Variants in DLGAP1 observed in about 807,000 individuals in gnomAD.
The protein encoded by DLGAP1 is disks large-associated protein 1.
A neutral mutation model predicts 90.8 loss-of-function variants in DLGAP1; 11 were observed. The ratio of observed to expected loss-of-function variants is 0.12; its 90% CI spans 0.08 to 0.20. The LOEUF (loss-of-function observed/expected upper bound fraction) is 0.20. Ranked by LOEUF, DLGAP1 falls within the 10% of genes least tolerant of loss-of-function variation. DLGAP1 has a pLI of 1.00. For synonymous variants in DLGAP1, 558 were observed against 540.7 expected, an observed-to-expected ratio of 1.03 and a Z score of -0.44; for missense variants, 1,050 against 1,333.8, an observed-to-expected ratio of 0.79 and a Z score of 3.31.
chr18:3,580,744 A>G (rs475528), intron 8 of DLGAP1: 221,725 of 1,612,296 alleles, frequency 0.14, 15,870 homozygotes, highest in East Asian at 0.19. Context: ...GCCACGCACC[A>G]TCCCCTCAGG....
At chr18:4,233,730 A>C (rs953683780) in intron 1 of DLGAP1, among the ~76,000 whole-genome samples, 1 of 152,166 alleles carries the variant, frequency 6.6e-6, no homozygotes, top group Non-Finnish European at 1.5e-5. Context: ...CCCCTCAGAG[A>C]TCAATTAGTT....
chr18:3,932,534 C>T (rs985483425), intron 3 of DLGAP1, among the ~76,000 whole-genome samples: 5 of 152,198 alleles, frequency 3.3e-5, no homozygotes, highest in African/African-American at 1.2e-4. Context: ...CCAAATCTAC[C>T]TCCTGTGCTT....
chr18:3,654,952 C>T (rs1229461444), intron 7 of DLGAP1: 1 of 152,210 alleles, frequency 6.6e-6, no homozygotes, highest in Non-Finnish European at 1.5e-5. Flanking sequence ...TGTAATGGTA[C>T]TAAATCCGCC....
At chr18:4,244,495 T>C (rs899980334) in intron 1 of DLGAP1, among the ~76,000 whole-genome samples, 2 of 152,146 alleles carry the variant, frequency 1.3e-5, no homozygotes, top group Non-Finnish European at 2.9e-5. Context: ...CGGTATATCT[T>C]TTGGAGTAAA....
intron 2 of DLGAP1, among the ~76,000 whole-genome samples, chr18:4,037,716 T>C (rs1354745897): frequency 1.3e-5 from 2 of 152,160 alleles, no homozygotes; most frequent in Non-Finnish European, 2.9e-5. Context: ...TACTAGCACT[T>C]TGGAAGGCCA....
chr18:3,783,118 C>T (rs975414746), intron 5 of DLGAP1, among the ~76,000 whole-genome samples: 1 of 152,176 alleles, frequency 6.6e-6, no homozygotes, highest in African/African-American at 2.4e-5. Context: ...TTCACACCTT[C>T]TAAGACAACT....
chr18:3,937,608 A>G (rs2072671401), intron 3 of DLGAP1, among the ~76,000 whole-genome samples: 2 of 152,152 alleles, frequency 1.3e-5, no homozygotes, highest in African/African-American at 2.4e-5. Flanking sequence ...CAACATGTTC[A>G]CCTCTCTGAG....
chr18:3,567,983 C>T (rs1599283154), intron 8 of DLGAP1, among the ~76,000 whole-genome samples: 2 of 152,004 alleles, frequency 1.3e-5, no homozygotes, highest in Admixed American at 6.6e-5. Flanking sequence ...ACTACAACCT[C>T]CGCCTCCCGG....
chr18:3,839,826 G>A (rs2068613720), intron 4 of DLGAP1, among the ~76,000 whole-genome samples: 1 of 152,142 alleles, frequency 6.6e-6, no homozygotes, highest in African/African-American at 2.4e-5. Context: ...TTCATGCCTG[G>A]TTGCCCAGGG....
chr18:4,228,758 G>T (rs1426759119), intron 1 of DLGAP1, among the ~76,000 whole-genome samples: 21 of 151,890 alleles, frequency 1.4e-4, no homozygotes. Context: ...AAAACTGAAA[G>T]CCTAGCCTCT....
chr18:3,778,259 G>A (rs937087364), intron 5 of DLGAP1, among the ~76,000 whole-genome samples: 7 of 152,046 alleles, frequency 4.6e-5, no homozygotes, highest in Non-Finnish European at 8.8e-5. Context: ...TGGCCAACAT[G>A]GTGAAACACC....
intron 2 of DLGAP1, among the ~76,000 whole-genome samples, chr18:4,114,641 A>G (rs1644595729): frequency 6.6e-6 from 1 of 151,966 alleles, no homozygotes; most frequent in Non-Finnish European, 1.5e-5. Flanking sequence ...TGACTTCTGC[A>G]TATATGTTTA....
chr18:3,503,282 T>C (rs1051042694), intron 11 of DLGAP1, among the ~76,000 whole-genome samples: 7 of 152,214 alleles, frequency 4.6e-5, no homozygotes, highest in African/African-American at 1.7e-4. Flanking sequence ...TAAAATAATA[T>C]AGCAAATGTG....
intron 8 of DLGAP1, among the ~76,000 whole-genome samples, chr18:3,568,748 A>T (rs935415509): frequency 6.6e-6 from 1 of 151,324 alleles, no homozygotes; most frequent in South Asian, 2.1e-4. Flanking sequence ...GTGCAGTGGC[A>T]CGATCTCGGC....
At chr18:4,045,429 C>CAA (rs1329702363) in intron 2 of DLGAP1, among the ~76,000 whole-genome samples, 1 of 32,844 alleles carries the variant, frequency 3.0e-5, no homozygotes, top group East Asian at 8.5e-4. Context: ...GACCCCATCT[C>CAA]TACAAAAAAA....
intron 1 of DLGAP1, among the ~76,000 whole-genome samples, chr18:4,186,399 A>G (rs2077296153): frequency 6.6e-6 from 1 of 152,058 alleles, no homozygotes; most frequent in East Asian, 1.9e-4. Context: ...CATGGTTTTT[A>G]TAGTTTTGGC....
intron 2 of DLGAP1, among the ~76,000 whole-genome samples, chr18:4,047,963 G>T (rs9961785): frequency 0.84 from 127,584 of 152,042 alleles, 53,956 homozygotes; most frequent in African/African-American, 0.94. Context: ...GCCCAGCGAA[G>T]TTTTTCTTTA....
intron 3 of DLGAP1, among the ~76,000 whole-genome samples, chr18:3,948,168 G>A (rs2072913406): frequency 6.6e-6 from 1 of 151,804 alleles, no homozygotes. Flanking sequence ...TAGTGCTTTG[G>A]AAGGCAGAGG....
chr18:3,977,806 A>G, intron 3 of DLGAP1: 1 of 390,262 alleles, frequency 2.6e-6, no homozygotes. Context: ...GTCAGAGGCG[A>G]CAACCTGGTG....
Sources: gnomAD v4.1 joint callset for allele counts (sites outside exome capture counted in the v4.1 genomes callset) on GRCh38, gnomAD v4.1.1 for gene constraint, MANE v1.5 for transcripts, NCBI Gene and HGNC (gene_info 2026-07-23, HGNC 2026-07-21) for gene names.